ANKRD6: variants seen among roughly 807,000 people sequenced by gnomAD.
ANKRD6 encodes ankyrin repeat domain 6.
ANKRD6 carries 56 observed loss-of-function variants against 82.3 expected under a neutral mutation model. That is an observed-to-expected ratio of 0.68 (90% CI 0.55 to 0.85). The LOEUF is 0.85. Ranked by LOEUF, ANKRD6 falls within the 40% of genes least tolerant of loss-of-function variation. The pLI is 0.00. For missense variants in ANKRD6, 852 were observed against 907.6 expected, an observed-to-expected ratio of 0.94 and a Z score of 0.79; for synonymous variants, 347 against 352.1, an observed-to-expected ratio of 0.99 and a Z score of 0.16.
In ANKRD6 at chr6:89,565,259, C is replaced by G. The variant is rs978771185; in HGVS notation, c.-143-1575C>G. 1.8e-4 allele frequency: 27 copies of G among 152,088 alleles called. 1 individual carries two copies. Among genetic ancestry groups the G allele is most frequent in the African/African-American group, 6.5e-4 (27 of 41,402 alleles). 9.4% of individuals were successfully genotyped at this position (152,088 alleles called of 1,614,324 possible). On this transcript the variant is annotated intron_variant, in intron 1 of 15. Coordinates refer to ENST00000339746, the MANE Select transcript of ANKRD6 (RefSeq NM_001242809.2). ...GACCGTGACTCACCAAGCTGCTTTA[C>G]AGCAGACCCTTCACCAGATCTGTTT...
chr6:89,465,235 T>G (rs908956761), intron 1 of ANKRD6, among the ~76,000 whole-genome samples: 8 of 151,300 alleles, frequency 5.3e-5, no homozygotes, highest in African/African-American at 1.9e-4. Context: ...TTCTCCTGCC[T>G]CAGCCTCCTG....
intron 1 of ANKRD6, among the ~76,000 whole-genome samples, chr6:89,526,441 A>C (rs1006874390): frequency 6.6e-6 from 1 of 152,192 alleles, no homozygotes; most frequent in Admixed American, 6.5e-5. Context: ...AGCCCACAGT[A>C]GTCCTGTTGG....
At chr6:89,509,735 C>T (rs559948756) in intron 1 of ANKRD6, among the ~76,000 whole-genome samples, 1 of 152,304 alleles carries the variant, frequency 6.6e-6, no homozygotes, top group East Asian at 1.9e-4. Context: ...TTCTAACAGA[C>T]CTATGAGGTG....
chr6:89,567,433 GA>G (rs1562851377), intron 2 of ANKRD6, among the ~76,000 whole-genome samples: 2 of 152,166 alleles, frequency 1.3e-5, no homozygotes, highest in African/African-American at 4.8e-5. Flanking sequence ...GCCTCCCGGG[GA>G]GGTGGACCAG....
At chr6:89,524,735 G>A (rs1782264386) in intron 1 of ANKRD6, among the ~76,000 whole-genome samples, 1 of 152,138 alleles carries the variant, frequency 6.6e-6, no homozygotes, top group South Asian at 2.1e-4. Context: ...TTTTCTTTGG[G>A]TAGATACCCA....
chr6:89,461,903 C>G (rs1263820350), intron 1 of ANKRD6, among the ~76,000 whole-genome samples: 1 of 151,992 alleles, frequency 6.6e-6, no homozygotes, highest in Non-Finnish European at 1.5e-5. Context: ...CTACTGTACT[C>G]CACAAGCTCA....
intron 1 of ANKRD6, among the ~76,000 whole-genome samples, chr6:89,459,959 ATTGATTAAATATTATCC>A (rs1248908946): frequency 6.6e-6 from 1 of 152,082 alleles, no homozygotes; most frequent in Non-Finnish European, 1.5e-5. Flanking sequence ...ACTGTATAAA[ATTGATTAAATATTATCC>A]TTGGAATATA....
chr6:89,537,879 C>CAAAAAAAAAAAAAAAA (rs55864526), intron 1 of ANKRD6, among the ~76,000 whole-genome samples: 1 of 110,812 alleles, frequency 9.0e-6, no homozygotes, highest in African/African-American at 3.6e-5. Flanking sequence ...GACAATGTCT[C>CAAAAAAAAAAAAAAAA]AAAAAAAAAA....
chr6:89,598,034 G>A (rs150945640), intron 3 of ANKRD6: 19 of 892,580 alleles, frequency 2.1e-5, no homozygotes, highest in Non-Finnish European at 2.4e-5. Context: ...TTGGATGGTG[G>A]GTAGAAACAG....
rs529910382 is a variant in ANKRD6, at chr6:89,477,158, A to G, written c.-144+43783A>G. 5.9e-5 allele frequency among the ~76,000 whole-genome samples: 9 copies of G among 152,100 alleles called. No individual in the cohort carries two copies. The South Asian group carries it at 6.2e-4, about 11-fold the overall frequency. Reference sequence around the variant, plus strand: ...ACGGGGTTTCACCGTATTAGCCAGGATGGTCTCGATCTCCTGACCTCGTGA... The same window carrying G: ...ACGGGGTTTCACCGTATTAGCCAGGGTGGTCTCGATCTCCTGACCTCGTGA... On this transcript the variant is annotated intron_variant, in intron 1 of 15. Coordinates refer to ENST00000339746, the MANE Select transcript of ANKRD6 (RefSeq NM_001242809.2).
At chr6:89,488,246 G>A (rs886068307) in intron 1 of ANKRD6, among the ~76,000 whole-genome samples, 1 of 152,202 alleles carries the variant, frequency 6.6e-6, no homozygotes, top group African/African-American at 2.4e-5. Flanking sequence ...CCACCCACCT[G>A]CATTTGATTA....
intron 1 of ANKRD6, among the ~76,000 whole-genome samples, chr6:89,522,079 G>T (rs200801974): frequency 6.6e-6 from 1 of 152,286 alleles, no homozygotes; most frequent in East Asian, 1.9e-4. Flanking sequence ...CCTTGCCAGT[G>T]TATATACATA....
chr6:89,519,880 C>T (rs1781685397), intron 1 of ANKRD6, among the ~76,000 whole-genome samples: 3 of 152,166 alleles, frequency 2.0e-5, no homozygotes, highest in South Asian at 4.1e-4. Context: ...ACAAATTATT[C>T]TTCGGATCAT....
At chr6:89,557,803 T>A (rs1272993101) in intron 1 of ANKRD6, among the ~76,000 whole-genome samples, 4 of 152,104 alleles carry the variant, frequency 2.6e-5, no homozygotes, top group African/African-American at 9.7e-5. Flanking sequence ...TAGATTCTTA[T>A]AGGAGTGTGA....
intron 5 of ANKRD6, among the ~76,000 whole-genome samples, chr6:89,608,446 A>C (rs1799389439): frequency 6.6e-6 from 1 of 151,484 alleles, no homozygotes; most frequent in South Asian, 2.1e-4. Flanking sequence ...TGACACACAG[A>C]CATCTGCATA....
chr6:89,436,642 T>C (rs1770671441), intron 1 of ANKRD6, among the ~76,000 whole-genome samples: 1 of 152,230 alleles, frequency 6.6e-6, no homozygotes, highest in Non-Finnish European at 1.5e-5. Flanking sequence ...GAAAGTAGAA[T>C]GGTAGTTACC....
chr6:89,499,636 G>A (rs922484786), intron 1 of ANKRD6, among the ~76,000 whole-genome samples: 18 of 152,084 alleles, frequency 1.2e-4, no homozygotes, highest in East Asian at 3.9e-4. Context: ...AGACAGTGCC[G>A]TACCACAAAT....
chr6:89,518,679 G>C (rs1187005937), intron 1 of ANKRD6, among the ~76,000 whole-genome samples: 1 of 152,136 alleles, frequency 6.6e-6, no homozygotes, highest in Admixed American at 6.5e-5. Context: ...TTGAACAAAG[G>C]CCAAATGGGA....
At chr6:89,622,100 C>T in intron 10 of ANKRD6, 74 bp downstream of exon 10, 1 of 1,389,794 alleles carries the variant, frequency 7.2e-7, no homozygotes, top group Non-Finnish European at 1.0e-6. Flanking sequence ...CCTGCTTCGG[C>T]CAGGTTCACC....
Sources: allele counts gnomAD v4.1 joint callset (sites outside exome capture counted in the v4.1 genomes callset), GRCh38; gene constraint gnomAD v4.1.1; transcripts MANE v1.5; gene names NCBI Gene and HGNC (gene_info 2026-07-23, HGNC 2026-07-21).